Variants in MTHFSD observed in about 807,000 individuals in gnomAD.
MTHFSD encodes methenyltetrahydrofolate synthetase domain containing, also known as methenyltetrahydrofolate synthase domain-containing protein.
A neutral mutation model predicts 31.1 loss-of-function variants in MTHFSD; 37 were observed. That is an observed-to-expected ratio of 1.19 (90% CI 0.91 to 1.56). MTHFSD has a LOEUF of 1.56. Ranked by LOEUF, MTHFSD falls within the 40% of genes most tolerant of loss-of-function variation. The pLI is 0.00. For missense variants in MTHFSD, 664 were observed against 510.1 expected, an observed-to-expected ratio of 1.30 and a Z score of -2.91; for synonymous variants, 221 against 206.9, an observed-to-expected ratio of 1.07 and a Z score of -0.59.
At position 86,554,767 on chromosome 16, in the gene MTHFSD, C is replaced by A. The variant is rs763906640; in HGVS notation, c.17-16G>T. 1 of 1,593,166 alleles carries A rather than the reference C, an allele frequency of 6.3e-7. No individual in the cohort carries two copies. The highest frequency in any genetic ancestry group is 1.3e-5 in the African/African-American group (1 of 74,618). ...GAGACACCTACTGCAACAAAAGATT[C>A]CCACTTAATAACATACAAAGGAATT... On this transcript the variant is annotated splice_polypyrimidine_tract_variant and intron_variant, in intron 1 of 7. Coordinates refer to ENST00000360900, the MANE Select transcript of MTHFSD (RefSeq NM_001159377.2).
intron 2 of MTHFSD, chr16:86,552,364 G>GGCCCAGAATCTC: frequency 7.4e-7 from 1 of 1,350,162 alleles, no homozygotes; most frequent in Non-Finnish European, 1.0e-6. Context: ...CAAGCAGCTC[G>GGCCCAGAATCTC]GCCCAGAATC....
chr16:86,536,698 C>G (rs1970734319), intron 7 of MTHFSD, among the ~76,000 whole-genome samples: 1 of 152,248 alleles, frequency 6.6e-6, no homozygotes, highest in African/African-American at 2.4e-5. Context: ...ACATGATCAC[C>G]TTAAAACTGA....
At chr16:86,533,455 A>G (rs1256167837) in intron 7 of MTHFSD, 2 of 152,258 alleles carry the variant, frequency 1.3e-5, no homozygotes, top group Admixed American at 1.3e-4. Flanking sequence ...AAGCTTTCAC[A>G]TGAGCATGGT....
At chr16:86,552,229 T>C (rs752651135) in intron 2 of MTHFSD, 83 bp from the exon 3 acceptor site, 19 of 1,613,302 alleles carry the variant, frequency 1.2e-5, no homozygotes, top group Non-Finnish European at 1.5e-5. Context: ...GGATTTACTT[T>C]AATGGTCCTG....
intron 7 of MTHFSD, among the ~76,000 whole-genome samples, chr16:86,536,777 G>T (rs563804401): frequency 6.6e-6 from 1 of 152,372 alleles, no homozygotes; most frequent in African/African-American, 2.4e-5. Flanking sequence ...AGGCCCGCGG[G>T]AGTGGCTGCC....
intron 7 of MTHFSD, among the ~76,000 whole-genome samples, chr16:86,538,344 C>A (rs942696362): frequency 6.6e-6 from 1 of 152,166 alleles, no homozygotes; most frequent in Non-Finnish European, 1.5e-5. Flanking sequence ...GTGGCAGACC[C>A]GGGTCTCCCC....
chr16:86,535,203 G>A lies in MTHFSD; in HGVS notation c.682-2722C>T, dbSNP rs563369801. 3.8e-5 allele frequency: 33 copies of A among 865,368 alleles called. No homozygotes were observed. The East Asian group carries it at 1.2e-3, about 32-fold the overall frequency. The allele number at this position is 865,368 out of a possible 1,614,324, so 53.6% of individuals were successfully genotyped here. On this transcript the variant is annotated intron_variant, in intron 7 of 7. Coordinates refer to ENST00000360900, the MANE Select transcript of MTHFSD (RefSeq NM_001159377.2). ...CCAGGGCACTGGCACACTGGCATCC[G>A]CAGGGGCCGTTAGAATGGAAATGTG...
intron 4 of MTHFSD, chr16:86,548,246 T>C (rs1188112494): frequency 1.0e-6 from 1 of 964,518 alleles, no homozygotes; most frequent in Non-Finnish European, 1.5e-6. Context: ...GCCAATTTCG[T>C]GCAAAATAGA....
Position 86,548,463 on chromosome 16 carries a change from C to A in MTHFSD, c.351+1G>T. 6.2e-7 allele frequency: 1 copy of A among 1,612,322 alleles called. No homozygotes were observed. The highest frequency in any genetic ancestry group is 1.3e-5 in the African/African-American group (1 of 75,018). On this transcript the variant is annotated splice_donor_variant, in intron 4 of 7. Coordinates refer to ENST00000360900, the MANE Select transcript of MTHFSD (RefSeq NM_001159377.2). LOFTEE classifies it high-confidence loss of function. ...GTGGGGACATTGCTTCTGGTACTTA[C>A]CTGAGAGGTGGCACATTTTCTCAAG...
In MTHFSD at chr16:86,530,739, A is replaced by T. The variant is rs1969923104; in HGVS notation, c.*1272T>A. 1 of 152,280 alleles carries T rather than the reference A, an allele frequency of 6.6e-6. No homozygotes were observed. Among genetic ancestry groups the T allele is most frequent in the Non-Finnish European group, 1.5e-5 (1 of 68,072 alleles). The allele number at this position is 152,280 out of a possible 1,614,324, so 9.4% of individuals were successfully genotyped here. A position where few individuals can be genotyped will look rare whatever the true frequency, so the allele number is the denominator to read the frequency against. ...GAACTGGGGACTGAGTCAGCCTCTG[A>T]CGCTGAGCTGAATGCCCAATGACAA... On this transcript the variant is annotated 3_prime_UTR_variant, in exon 8 of 8. Coordinates refer to ENST00000360900, the MANE Select transcript of MTHFSD (RefSeq NM_001159377.2).
At position 86,542,098 on chromosome 16, in the gene MTHFSD, C is replaced by A. The variant is rs777981605; in HGVS notation, c.555+3G>T. ...CTCTGCTCAGCCCATTCATAAGGAGCACCTGGCAGTCGTGGACGATGGTGA... is the reference window on the plus strand; with the variant it reads ...CTCTGCTCAGCCCATTCATAAGGAGAACCTGGCAGTCGTGGACGATGGTGA... On this transcript the variant is annotated splice_donor_region_variant and intron_variant, in intron 6 of 7. Coordinates refer to ENST00000360900, the MANE Select transcript of MTHFSD (RefSeq NM_001159377.2). This position sits in a 1 kb window ranked among gnomAD's most constrained non-coding sequence, Gnocchi z 4.6. The A allele has an allele frequency of 8.0e-5, 129 of 1,612,226 alleles. No individual in the cohort carries two copies. Among genetic ancestry groups the A allele is most frequent in the Middle Eastern group, 1.6e-4 (1 of 6,082 alleles).
At chr16:86,553,958 G>C (rs1162271132) in intron 2 of MTHFSD, among the ~76,000 whole-genome samples, 1 of 152,178 alleles carries the variant, frequency 6.6e-6, no homozygotes, top group Non-Finnish European at 1.5e-5. Flanking sequence ...GGGAGGTGGA[G>C]AACTTTTGTG....
At position 86,541,744 on chromosome 16, in the gene MTHFSD, C is replaced by T. The variant is rs1597346423; in HGVS notation, c.634G>A (p.Ala212Thr). ...DYILTPTRVI[A>T]TGCKRPKPMG... is the part of the protein sequence containing the mutation. The stretch of plus-strand genomic sequence containing the variant: ...GGCTTTGGGCGCTTGCAGCCTGTGG[C>T]GATGACTCTGGTTGGAGTGAGGATG... The change falls in exon 7 of 8, where the codon GCC (alanine) becomes ACC (threonine). Residue 212 changes from alanine to threonine, a missense_variant. Physicochemically the swap from Ala to Thr is moderately conservative, Grantham distance 58. Transcript: ENST00000360900. The T allele has an allele frequency of 4.3e-6, 7 of 1,613,924 alleles. No homozygotes were observed. Among genetic ancestry groups the T allele is most frequent in the African/African-American group, 1.3e-5 (1 of 74,948 alleles).
At chr16:86,536,830 G>C (rs1270631443) in intron 7 of MTHFSD, among the ~76,000 whole-genome samples, 1 of 152,204 alleles carries the variant, frequency 6.6e-6, no homozygotes, top group Non-Finnish European at 1.5e-5. Flanking sequence ...GGGACCAGCA[G>C]CTCCTGTCTC....
At position 86,541,784 on chromosome 16, in the gene MTHFSD, G is replaced by GT. The variant is rs2143593822; in HGVS notation, c.593dup (p.Asp198GlufsTer61). The GT allele has an allele frequency of 6.2e-7, 1 of 1,614,214 alleles. No individual in the cohort carries two copies. Among genetic ancestry groups the GT allele is most frequent in the South Asian group, 1.1e-5 (1 of 91,070 alleles). On this transcript the variant is annotated frameshift_variant, in exon 7 of 8. Coordinates refer to ENST00000360900, the MANE Select transcript of MTHFSD (RefSeq NM_001159377.2). LOFTEE classifies it high-confidence loss of function. ...GAGTGAGGATGTAGTCCACAGTGAT[G>GT]TCGTGCTCCTCAACAAGCTCTTCAG...
chr16:86,536,925 G>A (rs1021382174), intron 7 of MTHFSD, among the ~76,000 whole-genome samples: 2 of 152,214 alleles, frequency 1.3e-5, no homozygotes, highest in Non-Finnish European at 2.9e-5. Flanking sequence ...TTCCGTGTTG[G>A]CTGTTCCGGT....
At chr16:86,536,194 C>G (rs1035755426) in intron 7 of MTHFSD, among the ~76,000 whole-genome samples, 1 of 152,198 alleles carries the variant, frequency 6.6e-6, no homozygotes, top group Non-Finnish European at 1.5e-5. Context: ...TAAGTTCAAC[C>G]TCCATAAATA....
chr16:86,547,343 A>C (rs971320926), intron 4 of MTHFSD: 4 of 985,712 alleles, frequency 4.1e-6, no homozygotes, highest in Non-Finnish European at 4.8e-6. Flanking sequence ...TGTAAGACTC[A>C]GGAAAAAGCC....
chr16:86,552,213 G>C (rs1244929549), intron 2 of MTHFSD, 67 bp from the exon 3 acceptor site: 1 of 1,613,686 alleles, frequency 6.2e-7, no homozygotes, highest in East Asian at 2.2e-5. Flanking sequence ...TTTCTGGGGG[G>C]CATCAGGATT....
Sources: gnomAD v4.1 joint callset for allele counts (sites outside exome capture counted in the v4.1 genomes callset) on GRCh38, gnomAD v4.1.1 for gene constraint, Gnocchi (gnomAD v3.1) non-coding constraint, MANE v1.5 for transcripts, NCBI Gene and HGNC (gene_info 2026-07-23, HGNC 2026-07-21) for gene names.